The following ZNF536 variants were observed in gnomAD, a reference collection of about 807,000 sequenced individuals.
ZNF536 encodes the protein zinc finger protein 536.
A neutral mutation model predicts 84.5 loss-of-function variants in ZNF536; 13 were observed. That is an observed-to-expected ratio of 0.15 (90% confidence interval 0.10 to 0.24). The LOEUF is 0.24. Among genes scored for constraint, ZNF536 ranks in the 10% least tolerant of loss-of-function variants. ZNF536 has a pLI of 1.00. For synonymous variants in ZNF536, 811 were observed against 742.5 expected (o/e 1.09, Z -1.50); for missense variants, 1,536 against 1,747.5 (o/e 0.88, Z 2.16).
At chr19:30,591,060 T>C (rs187088180) in intron 1 of ZNF536, among the ~76,000 whole-genome samples, 1 of 152,340 alleles carries the variant, frequency 6.6e-6, no homozygotes, top group African/African-American at 2.4e-5. Flanking sequence ...GTTGGATCAA[T>C]GTCAACAGAC....
intron 1 of ZNF536, among the ~76,000 whole-genome samples, chr19:30,383,930 CT>C (rs2049180628): frequency 3.9e-5 from 2 of 51,192 alleles, no homozygotes; most frequent in Non-Finnish European, 7.8e-5. Flanking sequence ...CTTCCCTTCC[CT>C]TCCCTTCCCT....
At chr19:30,258,457 C>T (rs188001896) in intron 1 of ZNF536, among the ~76,000 whole-genome samples, 7 of 152,210 alleles carry the variant, frequency 4.6e-5, no homozygotes, top group Non-Finnish European at 8.8e-5. Context: ...TTGTATAATG[C>T]GTAGTTGTTT....
In ZNF536 at chr19:30,456,991, G is replaced by A. The variant is rs147027519; in HGVS notation, c.2170+11259G>A. ...CAGGAGGCAGAGGTTGTGGTAAGCT[G>A]TGATCACACCACTGCGCTCCAGCCT... On this transcript the variant is annotated intron_variant, in intron 2 of 4. Transcript: ENST00000355537. 9.1e-3 allele frequency among the ~76,000 whole-genome samples: 1,346 copies of A among 148,716 alleles called. 8 individuals are homozygous for A. Among genetic ancestry groups the A allele is most frequent in the Non-Finnish European group, 0.012 (806 of 67,476 alleles).
At position 30,287,428 on chromosome 19, in the gene ZNF536, C is replaced by T. The variant is rs530357430; in HGVS notation, c.-120+3287C>T. Reference sequence around the variant, plus strand: ...ATGGATGGATGGATAGATGAATAGACGGATGGATGGGTGGATAAATGGGTG... The same window carrying T: ...ATGGATGGATGGATAGATGAATAGATGGATGGATGGGTGGATAAATGGGTG... On this transcript the variant is annotated intron_variant, in intron 2 of 5. Transcript: ENST00000585628. Among the ~76,000 whole-genome samples the T allele has an allele frequency of 1.8e-4, 25 of 141,614 alleles. No individual in the cohort carries two copies. In the East Asian group the frequency reaches 2.5e-3, roughly 14 times the overall value. The allele number at this position is 141,614 out of a possible 152,430, so 92.9% of individuals were successfully genotyped here.
At chr19:30,233,159 G>A (rs1320703129) in intron 1 of ZNF536, among the ~76,000 whole-genome samples, 1 of 152,048 alleles carries the variant, frequency 6.6e-6, no homozygotes, top group African/African-American at 2.4e-5. Context: ...GCAAAGGCAT[G>A]GGGCCCAGCT....
chr19:30,468,922 C>A (rs571350349), intron 2 of ZNF536, among the ~76,000 whole-genome samples: 1 of 151,940 alleles, frequency 6.6e-6, no homozygotes, highest in African/African-American at 2.4e-5. Context: ...TGTCCAGAGG[C>A]GATGAGGATT....
rs149597424 is a variant in ZNF536, at chr19:30,695,441, C to G, written c.170-15316C>G. On this transcript the variant is annotated intron_variant, in intron 1 of 1. Transcript: ENST00000592773. ...GTGCCTGACAGAACATAATTAAGTG[C>G]CTAATTGTGTGGTGCCACAGATAAG... Among the ~76,000 whole-genome samples the G allele has an allele frequency of 7.6e-3, 1,157 of 152,284 alleles. 5 individuals are homozygous for G. The highest frequency in any genetic ancestry group is 0.012 in the Admixed American group (190 of 15,306).
intron 1 of ZNF536, among the ~76,000 whole-genome samples, chr19:30,418,939 A>C (rs1015272112): frequency 2.0e-5 from 3 of 152,140 alleles, no homozygotes; most frequent in African/African-American, 7.2e-5. Flanking sequence ...ATTTTCTTTT[A>C]TTTTAATTTT....
intron 1 of ZNF536, among the ~76,000 whole-genome samples, chr19:30,605,141 A>G (rs2047823735): frequency 6.6e-6 from 1 of 152,184 alleles, no homozygotes; most frequent in Non-Finnish European, 1.5e-5. Flanking sequence ...TGCTGTAGGA[A>G]GGTAATAGTG....
At chr19:30,249,857 A>G (rs1373176959) in intron 1 of ZNF536, among the ~76,000 whole-genome samples, 3 of 152,196 alleles carry the variant, frequency 2.0e-5, no homozygotes, top group African/African-American at 7.2e-5. Context: ...GTGTCTAGCC[A>G]AGAGATAGCT....
At chr19:30,590,274 G>A (rs2047230716) in intron 1 of ZNF536, among the ~76,000 whole-genome samples, 1 of 152,202 alleles carries the variant, frequency 6.6e-6, no homozygotes, top group South Asian at 2.1e-4. Flanking sequence ...AAACACCCAA[G>A]TGCTGTTGTC....
At chr19:30,665,037 G>T (rs1048911262) in intron 1 of ZNF536, among the ~76,000 whole-genome samples, 1 of 152,348 alleles carries the variant, frequency 6.6e-6, no homozygotes, top group South Asian at 2.1e-4. Flanking sequence ...AAAATTAAAA[G>T]AAAGTTTAAA....
chr19:30,617,131 A>T (rs916559382), intron 1 of ZNF536, among the ~76,000 whole-genome samples: 11 of 144,510 alleles, frequency 7.6e-5, no homozygotes, highest in Admixed American at 1.4e-4. Context: ...TTTTATTTTT[A>T]TTTTTTTTTT....
intron 3 of ZNF536, among the ~76,000 whole-genome samples, chr19:30,356,229 A>T (rs2048090774): frequency 6.6e-6 from 1 of 152,214 alleles, no homozygotes; most frequent in South Asian, 2.1e-4. Flanking sequence ...CCTCATGTTC[A>T]GGTTGGGAGG....
chr19:30,236,262 A>G (rs2144750049), intron 1 of ZNF536, among the ~76,000 whole-genome samples: 2 of 152,360 alleles, frequency 1.3e-5, no homozygotes, highest in Admixed American at 1.3e-4. Context: ...ACTTGCATGT[A>G]GCTGGGAACA....
intron 1 of ZNF536, among the ~76,000 whole-genome samples, chr19:30,567,756 G>T (rs1277965099): frequency 6.6e-6 from 1 of 152,088 alleles, no homozygotes. Context: ...CCAAAACCCG[G>T]CGTCACTGGA....
At chr19:30,359,712 T>C (rs2146855807) in intron 3 of ZNF536, among the ~76,000 whole-genome samples, 1 of 152,278 alleles carries the variant, frequency 6.6e-6, no homozygotes, top group Admixed American at 6.5e-5. Context: ...ACCACTTGGG[T>C]AAGGGCTGCT....
At chr19:30,628,630 C>T (rs2048777472) in intron 1 of ZNF536, among the ~76,000 whole-genome samples, 1 of 152,058 alleles carries the variant, frequency 6.6e-6, no homozygotes, top group Admixed American at 6.5e-5. Flanking sequence ...GGGGTTTCAC[C>T]ATGTTAGCCA....
intron 1 of ZNF536, among the ~76,000 whole-genome samples, chr19:30,576,461 T>C (rs1651608783): frequency 6.6e-6 from 1 of 152,330 alleles, no homozygotes; most frequent in Non-Finnish European, 1.5e-5. Context: ...AGTTTCATGG[T>C]TGAACTTCAA....
Sources: allele counts gnomAD v4.1 joint callset (sites outside exome capture counted in the v4.1 genomes callset), GRCh38; gene constraint gnomAD v4.1.1; transcripts MANE v1.5; gene names NCBI Gene and HGNC (gene_info 2026-07-23, HGNC 2026-07-21).